The following CHRNA7 variants were observed in gnomAD, a reference collection of about 807,000 sequenced individuals.
The protein encoded by CHRNA7 is neuronal acetylcholine receptor subunit alpha-7.
CHRNA7 carries 17 observed loss-of-function variants against 48.0 expected under a neutral mutation model. The ratio of observed to expected loss-of-function variants is 0.35; its 90% CI spans 0.24 to 0.53. CHRNA7 has a LOEUF of 0.53. Among genes scored for constraint, CHRNA7 ranks in the 20% least tolerant of loss-of-function variants. The pLI is 0.92. For synonymous variants in CHRNA7, 75 were observed against 242.3 expected (o/e 0.31, Z 6.41); for missense variants, 155 against 577.7 (o/e 0.27, Z 7.50).
intron 2 of CHRNA7, among the ~76,000 whole-genome samples, chr15:32,068,416 T>C (rs776122010): frequency 3.3e-5 from 5 of 152,150 alleles, no homozygotes; most frequent in Non-Finnish European, 5.9e-5. Context: ...AATAAATTAA[T>C]AATTTGGCTG....
At chr15:32,036,298 G>A (rs1169818154) in intron 2 of CHRNA7, among the ~76,000 whole-genome samples, 2 of 152,132 alleles carry the variant, frequency 1.3e-5, no homozygotes, top group Non-Finnish European at 2.9e-5. Flanking sequence ...TATGCCAGTG[G>A]TCTGGATGTA....
At chr15:32,037,206 G>A (rs1249235981) in intron 2 of CHRNA7, among the ~76,000 whole-genome samples, 1 of 152,112 alleles carries the variant, frequency 6.6e-6, no homozygotes, top group East Asian at 1.9e-4. Context: ...CCATTTTATT[G>A]CCTTTGCATC....
At chr15:32,069,004 T>C (rs1435160157) in intron 2 of CHRNA7, among the ~76,000 whole-genome samples, 1 of 152,232 alleles carries the variant, frequency 6.6e-6, no homozygotes, top group African/African-American at 2.4e-5. Flanking sequence ...TGCTAGCTAA[T>C]GGACACCTTT....
intron 4 of CHRNA7, among the ~76,000 whole-genome samples, chr15:32,133,612 C>CCAG (rs2051194028): frequency 6.6e-6 from 1 of 152,218 alleles, no homozygotes; most frequent in African/African-American, 2.4e-5. Flanking sequence ...AATCTACCAT[C>CCAG]CAGTGCAAGA....
chr15:32,048,712 C>G (rs2049603797), intron 2 of CHRNA7, among the ~76,000 whole-genome samples: 1 of 151,966 alleles, frequency 6.6e-6, no homozygotes, highest in Non-Finnish European at 1.5e-5. Context: ...CTTCTGCTAG[C>G]TTTTGAATGT....
intron 2 of CHRNA7, among the ~76,000 whole-genome samples, chr15:32,039,653 G>T (rs951766082): frequency 1.5e-4 from 23 of 152,042 alleles, no homozygotes; most frequent in African/African-American, 5.1e-4. Context: ...TTTTAAATTT[G>T]TTAAGGCTCT....
At chr15:32,096,501 C>T (rs1018837256) in intron 2 of CHRNA7, among the ~76,000 whole-genome samples, 1 of 151,950 alleles carries the variant, frequency 6.6e-6, no homozygotes, top group Non-Finnish European at 1.5e-5. Context: ...AAGAAGTCAC[C>T]GTTTATAAAC....
chr15:32,146,591 C>A (rs747412942), intron 4 of CHRNA7, among the ~76,000 whole-genome samples: 10 of 152,158 alleles, frequency 6.6e-5, no homozygotes, highest in Non-Finnish European at 1.3e-4. Context: ...TATATTCTTA[C>A]AACAGACAGT....
intron 4 of CHRNA7, among the ~76,000 whole-genome samples, chr15:32,116,169 A>G (rs1053470476): frequency 1.3e-5 from 2 of 152,214 alleles, no homozygotes; most frequent in Admixed American, 1.3e-4. Context: ...CATCCTGTGT[A>G]AGCCCCAGTT....
At chr15:32,126,023 T>A (rs773197046) in intron 4 of CHRNA7, among the ~76,000 whole-genome samples, 11 of 147,998 alleles carry the variant, frequency 7.4e-5, no homozygotes, top group South Asian at 2.3e-4. Flanking sequence ...AAAAAAAAAA[T>A]GATCCAGAAC....
chr15:32,134,294 G>A (rs752425863), intron 4 of CHRNA7, among the ~76,000 whole-genome samples: 10 of 152,078 alleles, frequency 6.6e-5, no homozygotes, highest in Non-Finnish European at 1.2e-4. Flanking sequence ...GAGTAGCTGG[G>A]ATTACAGGTG....
In CHRNA7 at chr15:32,149,722, A is replaced by G. The variant is rs543284222; in HGVS notation, c.351-4185A>G. On this transcript the variant is annotated intron_variant, in intron 4 of 9. Coordinates refer to ENST00000306901, the MANE Select transcript of CHRNA7 (RefSeq NM_000746.6). The surrounding 1 kb of genome is among the most constrained non-coding windows in gnomAD (Gnocchi z 4.6). ...TATTCTGTTTGGATGAAAAACATTC[A>G]GAAATCACTGAGTCACAAATCACTG... is the stretch of plus-strand genomic sequence containing the variant. Among the ~76,000 whole-genome samples, 59 of 152,312 alleles carry G rather than the reference A, an allele frequency of 3.9e-4. No individual in the cohort carries two copies. The highest frequency in any genetic ancestry group is 1.8e-3 in the Admixed American group (27 of 15,310).
intron 4 of CHRNA7, among the ~76,000 whole-genome samples, 182 bp downstream of exon 4, chr15:32,112,081 T>C (rs1326227555): frequency 2.6e-5 from 4 of 152,232 alleles, no homozygotes; most frequent in African/African-American, 4.8e-5. Flanking sequence ...TAAGCCAGCA[T>C]TCCCTGGTTT....
Position 32,101,328 on chromosome 15 carries a change from CCAA to C in CHRNA7, c.224_226del (p.Asn75del). On this transcript the variant is annotated inframe_deletion, in exon 3 of 10. Transcript: ENST00000306901. ...GATGAGAAGAACCAAGTTTTAACCACCAACATTTGGCTGCAAATGGTAAGTTAA... is the reference window on the plus strand; with the variant it reads ...GATGAGAAGAACCAAGTTTTAACCACCATTTGGCTGCAAATGGTAAGTTAA... 6.3e-7 allele frequency: 1 copy of C among 1,591,632 alleles called. No homozygotes were observed. The highest frequency in any genetic ancestry group is 8.5e-7 in the Non-Finnish European group (1 of 1,172,794).
intron 3 of CHRNA7, among the ~76,000 whole-genome samples, chr15:32,110,027 C>T (rs2050737255): frequency 6.6e-6 from 1 of 152,212 alleles, no homozygotes; most frequent in African/African-American, 2.4e-5. Context: ...CTTGGCCTAC[C>T]ATGCCCACTT....
chr15:32,071,735 C>T (rs1469760013), intron 2 of CHRNA7, among the ~76,000 whole-genome samples: 1 of 152,202 alleles, frequency 6.6e-6, no homozygotes, highest in Non-Finnish European at 1.5e-5. Context: ...TCACCTTCCA[C>T]CATGATTATA....
chr15:32,092,083 C>T (rs556438274), intron 2 of CHRNA7, among the ~76,000 whole-genome samples: 18 of 152,298 alleles, frequency 1.2e-4, no homozygotes, highest in African/African-American at 3.6e-4. Context: ...CCATTTCCAA[C>T]TTCTGTAATG....
At chr15:32,085,090 A>C (rs967768447) in intron 2 of CHRNA7, among the ~76,000 whole-genome samples, 1 of 152,056 alleles carries the variant, frequency 6.6e-6, no homozygotes, top group East Asian at 1.9e-4. Context: ...TAGCCTCCCA[A>C]AGTGCTGGGA....
At chr15:32,076,810 T>C (rs1451032099) in intron 2 of CHRNA7, among the ~76,000 whole-genome samples, 1 of 152,088 alleles carries the variant, frequency 6.6e-6, no homozygotes, top group Non-Finnish European at 1.5e-5. Context: ...TTTACATTAG[T>C]GTTTGTTCTT....
Sources: allele counts gnomAD v4.1 joint callset (sites outside exome capture counted in the v4.1 genomes callset), GRCh38; gene constraint gnomAD v4.1.1; non-coding constraint Gnocchi (gnomAD v3.1); transcripts MANE v1.5; gene names NCBI Gene and HGNC (gene_info 2026-07-23, HGNC 2026-07-21).